The following RYR3 variants were observed in gnomAD, a reference collection of about 807,000 sequenced individuals.
The protein encoded by RYR3 is brain ryanodine receptor-calcium release channel.
In RYR3, 207 loss-of-function variants were observed where a neutral mutation model predicts 584.3. The ratio of observed to expected loss-of-function variants is 0.35; its 90% confidence interval spans 0.32 to 0.40. The LOEUF is 0.40. RYR3 is among the 10% of genes least tolerant of loss of function. RYR3 has a pLI of 1.00. For synonymous variants in RYR3, 2,416 were observed against 2,248.5 expected (o/e 1.07, Z -2.11); for missense variants, 5,616 against 6,089.2 (o/e 0.92, Z 2.59).
chr15:33,849,333 ACC>A (rs2078940089), intron 94 of RYR3: 1 of 152,212 alleles, frequency 6.6e-6, no homozygotes, highest in African/African-American at 2.4e-5. Context: ...GGCAGGTGAC[ACC>A]AAGGCTCTGA....
intron 69 of RYR3, among the ~76,000 whole-genome samples, chr15:33,805,431 C>A (rs1296014621): frequency 6.6e-6 from 1 of 150,882 alleles, no homozygotes; most frequent in East Asian, 2.0e-4. Flanking sequence ...CTTGCTCATT[C>A]TCCCTCTTTC....
intron 4 of RYR3, among the ~76,000 whole-genome samples, 155 bp downstream of exon 4, chr15:33,530,821 C>G (rs1253083692): frequency 2.6e-5 from 4 of 152,152 alleles, no homozygotes; most frequent in Non-Finnish European, 4.4e-5. Flanking sequence ...CTACATATGA[C>G]CTACCTCAAT....
chr15:33,774,431 C>G (rs2073851386), intron 64 of RYR3, among the ~76,000 whole-genome samples: 1 of 152,184 alleles, frequency 6.6e-6, no homozygotes. Context: ...TATGTGCTGC[C>G]TCTATGTATA....
chr15:33,737,395 A>T (rs929113999), intron 49 of RYR3, among the ~76,000 whole-genome samples: 1 of 152,240 alleles, frequency 6.6e-6, no homozygotes, highest in East Asian at 1.9e-4. Context: ...TTTACCTTTT[A>T]TCTCTGAGGC....
chr15:33,584,564 A>C (rs777183058), intron 15 of RYR3, 74 bp downstream of exon 15: 9 of 703,580 alleles, frequency 1.3e-5, no homozygotes, highest in Non-Finnish European at 1.9e-5. Context: ...AAAGAAAACA[A>C]AGTTGAATCT....
intron 66 of RYR3, among the ~76,000 whole-genome samples, chr15:33,787,313 G>C (rs1418399455): frequency 6.6e-6 from 1 of 152,202 alleles, no homozygotes; most frequent in Non-Finnish European, 1.5e-5. Context: ...GGTGAATGCA[G>C]AGAGTGCCAT....
intron 1 of RYR3, among the ~76,000 whole-genome samples, chr15:33,366,177 A>AT (rs369741297): frequency 0.6 from 90,832 of 151,466 alleles, 27,681 homozygotes; most frequent in Middle Eastern, 0.73. Flanking sequence ...TGCTTCACAT[A>AT]ATAGGTAATT....
chr15:33,584,831 T>G (rs769718232), intron 15 of RYR3, among the ~76,000 whole-genome samples: 13 of 150,934 alleles, frequency 8.6e-5, no homozygotes, highest in African/African-American at 1.5e-4. Context: ...CCCATTATAT[T>G]CTTATTCTCT....
At chr15:33,476,020 T>C (rs1411894329) in intron 2 of RYR3, among the ~76,000 whole-genome samples, 1 of 152,212 alleles carries the variant, frequency 6.6e-6, no homozygotes, top group Non-Finnish European at 1.5e-5. Context: ...CTAGAGTTGA[T>C]AATAATACTA....
intron 1 of RYR3, among the ~76,000 whole-genome samples, chr15:33,404,590 T>TTG (rs1041927606): frequency 1.5e-5 from 1 of 68,336 alleles, no homozygotes; most frequent in African/African-American, 1.0e-4. Flanking sequence ...CTACTGTGTG[T>TTG]TTTTTTTTTT....
At chr15:33,858,988 A>G (rs2080038587) in intron 99 of RYR3, 1 of 152,542 alleles carries the variant, frequency 6.6e-6, no homozygotes, top group Non-Finnish European at 1.5e-5. Flanking sequence ...CTGGCTTTTG[A>G]TTTTCCAGGT....
intron 1 of RYR3, among the ~76,000 whole-genome samples, chr15:33,352,616 A>G (rs1229224889): frequency 1.3e-5 from 2 of 152,184 alleles, no homozygotes; most frequent in African/African-American, 4.8e-5. Flanking sequence ...CTTTAAAAAG[A>G]CAGTGGTATT....
rs62010544 is a variant in RYR3 at position 33,641,743 on chromosome 15, A to G, written c.3557-2568A>G. ...CCACTTAGCCTCCCGGAGGTCCCCA[A>G]TACTCTGTGCCTCCCATTGCTCTTG... is the stretch of plus-strand genomic sequence containing the variant. On this transcript the variant is annotated intron_variant, in intron 27 of 103. Transcript: ENST00000634891. 8.3e-4 allele frequency among the ~76,000 whole-genome samples: 126 copies of G among 152,240 alleles called. 1 individual carries two copies. The highest frequency in any genetic ancestry group is 1.6e-3 in the Non-Finnish European group (107 of 68,022).
chr15:33,667,324 CAGAATTCAG>C (rs2063542067), intron 36 of RYR3, among the ~76,000 whole-genome samples: 1 of 152,208 alleles, frequency 6.6e-6, no homozygotes, highest in Non-Finnish European at 1.5e-5. Flanking sequence ...GCCCTATAGG[CAGAATTCAG>C]AGATCCAGGA....
chr15:33,704,331 A>G (rs555730620), intron 42 of RYR3, among the ~76,000 whole-genome samples: 136 of 152,204 alleles, frequency 8.9e-4, no homozygotes, highest in African/African-American at 3.1e-3. Context: ...AGTCCCAGTC[A>G]ATATAACTTA....
chr15:33,455,481 GC>G (rs1198325647), intron 1 of RYR3, among the ~76,000 whole-genome samples: 5 of 151,838 alleles, frequency 3.3e-5, no homozygotes, highest in African/African-American at 7.2e-5. Flanking sequence ...AGGATGGGAA[GC>G]TTTTCAGGAG....
chr15:33,405,779 C>T (rs1236877763), intron 1 of RYR3, among the ~76,000 whole-genome samples: 1 of 152,172 alleles, frequency 6.6e-6, no homozygotes, highest in African/African-American at 2.4e-5. Flanking sequence ...GCTTCAGACC[C>T]AGTTAATCTA....
At chr15:33,383,929 C>T (rs2041385255) in intron 1 of RYR3, among the ~76,000 whole-genome samples, 1 of 152,156 alleles carries the variant, frequency 6.6e-6, no homozygotes, top group African/African-American at 2.4e-5. Context: ...GCTATGCAGC[C>T]ATAAAAAAGC....
rs181541181 is a variant in RYR3 at position 33,459,330 on chromosome 15, A to G, written c.52-14089A>G. ...CCCTTCCTCACCCGGACAAGCAAGGATTTGTATCCTGGAGACCTGGGGTTC... is the reference window on the plus strand; with the variant it reads ...CCCTTCCTCACCCGGACAAGCAAGGGTTTGTATCCTGGAGACCTGGGGTTC... On this transcript the variant is annotated intron_variant, in intron 1 of 103. Coordinates refer to ENST00000634891, the MANE Select transcript of RYR3 (RefSeq NM_001036.6). Among the ~76,000 whole-genome samples the G allele has an allele frequency of 3.7e-3, 558 of 152,320 alleles. 5 individuals are homozygous for G. Among genetic ancestry groups the G allele is most frequent in the Non-Finnish European group, 4.4e-3 (296 of 68,016 alleles).
Sources: gnomAD v4.1 joint callset for allele counts (sites outside exome capture counted in the v4.1 genomes callset) on GRCh38, gnomAD v4.1.1 for gene constraint, MANE v1.5 for transcripts, NCBI Gene and HGNC (gene_info 2026-07-23, HGNC 2026-07-21) for gene names.